Variants in STXBP5L observed in about 807,000 individuals in gnomAD.
STXBP5L encodes the protein syntaxin binding protein 5L, also known as syntaxin-binding protein 5-like.
Under a neutral mutation model 144.5 loss-of-function variants are expected in STXBP5L, and 65 were observed. That is an observed-to-expected ratio of 0.45 (90% CI 0.37 to 0.55). The LOEUF is 0.55. STXBP5L is among the 20% of genes least tolerant of loss of function. STXBP5L has a pLI of 0.00. For synonymous variants in STXBP5L, 505 were observed against 469.6 expected (o/e 1.08, Z -0.97); for missense variants, 1,298 against 1,405.5 (o/e 0.92, Z 1.22).
In STXBP5L at chr3:121,407,375, G is replaced by A. The variant is rs558213185; in HGVS notation, c.2720G>A (p.Arg907Lys). The change falls in exon 23 of 27, where the codon AGG becomes AAG. Residue 907 changes from arginine to lysine, a missense_variant. Physicochemically the swap from Arg to Lys is conservative, Grantham distance 26. Transcript: ENST00000471454. ...NIDENEKSWR[R>K]KVVMNSSSAS... Reference sequence around the variant, plus strand: ...GATGAAAATGAAAAATCTTGGAGAAGGAAAGTGGTAATGAACTCATCTTCT... The same window carrying A: ...GATGAAAATGAAAAATCTTGGAGAAAGAAAGTGGTAATGAACTCATCTTCT... The A allele has an allele frequency of 1.2e-6, 2 of 1,613,002 alleles. No individual in the cohort carries two copies. Among genetic ancestry groups the A allele is most frequent in the Non-Finnish European group, 1.7e-6 (2 of 1,179,328 alleles).
chr3:121,384,384 C>G (rs2046380649), intron 22 of STXBP5L, among the ~76,000 whole-genome samples: 1 of 152,018 alleles, frequency 6.6e-6, no homozygotes, highest in Non-Finnish European at 1.5e-5. Flanking sequence ...AATTCAGAGG[C>G]TGGGCGCAGT....
At chr3:121,250,650 T>C (rs893407819) in intron 14 of STXBP5L, 73 bp from the exon 15 acceptor site, 1 of 1,270,232 alleles carries the variant, frequency 7.9e-7, no homozygotes, top group East Asian at 2.4e-5. Flanking sequence ...GTAACTCAAG[T>C]TTCTGTACAT....
chr3:121,345,076 G>A (rs2044900320), intron 20 of STXBP5L, among the ~76,000 whole-genome samples: 1 of 151,754 alleles, frequency 6.6e-6, no homozygotes, highest in African/African-American at 2.4e-5. Flanking sequence ...TTGATACATA[G>A]GTATACATGT....
intron 5 of STXBP5L, among the ~76,000 whole-genome samples, chr3:121,089,087 T>TGTG (rs1343436307): frequency 4.6e-5 from 1 of 21,712 alleles, no homozygotes; most frequent in East Asian, 1.1e-3. Context: ...AAACTTAGAG[T>TGTG]ATAATAAAAA....
chr3:121,009,823 G>A (rs1055246788), intron 3 of STXBP5L, among the ~76,000 whole-genome samples: 1 of 151,752 alleles, frequency 6.6e-6, no homozygotes, highest in Non-Finnish European at 1.5e-5. Context: ...GTCTACAAGG[G>A]CCTAGTAGCA....
At chr3:120,943,008 A>G (rs1048093257) in intron 2 of STXBP5L, among the ~76,000 whole-genome samples, 1 of 151,764 alleles carries the variant, frequency 6.6e-6, no homozygotes, top group Non-Finnish European at 1.5e-5. Flanking sequence ...TTAATGAATA[A>G]TGTCAATACA....
chr3:121,332,860 C>T (rs535617422), intron 20 of STXBP5L, among the ~76,000 whole-genome samples: 69 of 147,448 alleles, frequency 4.7e-4, no homozygotes, highest in Non-Finnish European at 8.6e-4. Flanking sequence ...ATGATAAGAA[C>T]GTGAAAAAAA....
chr3:121,124,589 ATTATCT>A (rs1445393491), intron 7 of STXBP5L, among the ~76,000 whole-genome samples: 2 of 151,960 alleles, frequency 1.3e-5, no homozygotes, highest in African/African-American at 4.8e-5. Flanking sequence ...TTCATAACTG[ATTATCT>A]TTAGATTATC....
chr3:121,359,844 C>T (rs932918138), intron 20 of STXBP5L, among the ~76,000 whole-genome samples: 1 of 151,530 alleles, frequency 6.6e-6, no homozygotes, highest in Non-Finnish European at 1.5e-5. Context: ...ATTTTGGTAA[C>T]TATACCTCTG....
intron 3 of STXBP5L, among the ~76,000 whole-genome samples, chr3:121,040,518 C>T (rs1004359358): frequency 6.6e-6 from 1 of 152,074 alleles, no homozygotes; most frequent in Non-Finnish European, 1.5e-5. Flanking sequence ...TTTCCTCAGT[C>T]TCAGATAGTT....
chr3:121,275,006 G>A (rs906744683), intron 18 of STXBP5L, among the ~76,000 whole-genome samples: 28 of 152,150 alleles, frequency 1.8e-4, no homozygotes, highest in Admixed American at 1.8e-3. Context: ...ATCATCATTT[G>A]TTGAAGATTA....
chr3:121,108,767 G>A (rs990169506), intron 5 of STXBP5L, among the ~76,000 whole-genome samples: 15 of 152,116 alleles, frequency 9.9e-5, no homozygotes, highest in Admixed American at 3.9e-4. Context: ...TAATTTGTTT[G>A]AAGTAGTTTC....
intron 9 of STXBP5L, among the ~76,000 whole-genome samples, chr3:121,181,245 G>T (rs948693989): frequency 6.7e-6 from 1 of 149,900 alleles, no homozygotes; most frequent in African/African-American, 2.5e-5. Context: ...GAACCTGGGA[G>T]GTGGAGGTAT....
At chr3:121,314,321 C>T (rs1467875527) in intron 19 of STXBP5L, among the ~76,000 whole-genome samples, 2 of 141,710 alleles carry the variant, frequency 1.4e-5, no homozygotes, top group African/African-American at 2.7e-5. Context: ...ACTGAGTGAA[C>T]GAGACTCCAT....
chr3:121,176,277 T>C (rs2046929051), intron 9 of STXBP5L, among the ~76,000 whole-genome samples: 1 of 151,898 alleles, frequency 6.6e-6, no homozygotes. Flanking sequence ...AATGGGACAC[T>C]AATCCAAATG....
chr3:121,048,485 G>T (rs1046376946), intron 5 of STXBP5L, among the ~76,000 whole-genome samples: 1 of 152,084 alleles, frequency 6.6e-6, no homozygotes, highest in Non-Finnish European at 1.5e-5. Flanking sequence ...GGATACTAAT[G>T]AATTGGAGAT....
chr3:121,143,114 A>T (rs904119271), intron 7 of STXBP5L, among the ~76,000 whole-genome samples: 2 of 151,870 alleles, frequency 1.3e-5, no homozygotes, highest in Non-Finnish European at 2.9e-5. Flanking sequence ...ATCTAGAAGG[A>T]TTGAGTAAAT....
At chr3:121,303,916 A>T (rs1216749060) in intron 19 of STXBP5L, among the ~76,000 whole-genome samples, 1 of 152,112 alleles carries the variant, frequency 6.6e-6, no homozygotes, top group East Asian at 1.9e-4. Context: ...ATTAGGAGAT[A>T]TACCTAATGT....
intron 10 of STXBP5L, among the ~76,000 whole-genome samples, chr3:121,217,592 C>T (rs1481619887): frequency 2.6e-5 from 4 of 152,212 alleles, no homozygotes; most frequent in South Asian, 2.1e-4. Flanking sequence ...GTGTTGATGT[C>T]GCTGGGAGCT....
Sources: gnomAD v4.1 joint callset for allele counts (sites outside exome capture counted in the v4.1 genomes callset) on GRCh38, gnomAD v4.1.1 for gene constraint, MANE v1.5 for transcripts, NCBI Gene and HGNC (gene_info 2026-07-23, HGNC 2026-07-21) for gene names.